Variants in C1orf21 observed in about 807,000 individuals in gnomAD.
C1orf21 encodes the protein uncharacterized protein C1orf21.
In C1orf21, 3 loss-of-function variants were observed where a neutral mutation model predicts 18.7. That is an observed-to-expected ratio of 0.16 (90% CI 0.07 to 0.42). C1orf21 has a LOEUF of 0.42. Ranked by LOEUF, C1orf21 falls within the 10% of genes least tolerant of loss-of-function variation. The pLI is 0.99. For missense variants in C1orf21, 104 were observed against 143.6 expected, an observed-to-expected ratio of 0.72 and a Z score of 1.41; for synonymous variants, 41 against 46.4, an observed-to-expected ratio of 0.88 and a Z score of 0.47.
intron 1 of C1orf21, among the ~76,000 whole-genome samples, chr1:184,390,551 C>T (rs914141186): frequency 1.2e-4 from 19 of 152,046 alleles, no homozygotes; most frequent in African/African-American, 4.3e-4. Context: ...GATATTGGGT[C>T]GATCAGTCTT....
intron 1 of C1orf21, among the ~76,000 whole-genome samples, chr1:184,429,727 G>A (rs908415959): frequency 1.3e-5 from 2 of 151,984 alleles, no homozygotes; most frequent in South Asian, 2.1e-4. Context: ...AATACAAAGA[G>A]TATTTTACTT....
rs534547974 is a variant in C1orf21, at chr1:184,514,744, G to A, written c.189+7062G>A. On this transcript the variant is annotated intron_variant, in intron 3 of 5. Coordinates refer to ENST00000235307, the MANE Select transcript of C1orf21 (RefSeq NM_030806.4). ...TTAGAAAATAACCTCCCTGCTTGTC[G>A]ATACGAGAATAATACAGCTATATTA... 7.1e-4 allele frequency among the ~76,000 whole-genome samples: 108 copies of A among 152,218 alleles called. 1 individual carries two copies. The highest frequency in any genetic ancestry group is 2.6e-3 in the African/African-American group (106 of 41,520).
At chr1:184,524,027 C>T (rs1658343819) in intron 3 of C1orf21, among the ~76,000 whole-genome samples, 1 of 152,128 alleles carries the variant, frequency 6.6e-6, no homozygotes, top group Non-Finnish European at 1.5e-5. Context: ...TTTACCACTA[C>T]AGGTAATTTT....
At chr1:184,512,547 C>G (rs1249903796) in intron 3 of C1orf21, among the ~76,000 whole-genome samples, 1 of 152,220 alleles carries the variant, frequency 6.6e-6, no homozygotes, top group Admixed American at 6.5e-5. Flanking sequence ...GTTTTCATCA[C>G]TGCTTAATGT....
At chr1:184,394,590 C>CT (rs1259102082) in intron 1 of C1orf21, among the ~76,000 whole-genome samples, 1 of 152,134 alleles carries the variant, frequency 6.6e-6, no homozygotes, top group Non-Finnish European at 1.5e-5. Flanking sequence ...GCACTATGTC[C>CT]TTTTACATGA....
chr1:184,533,479 A>G (rs1164488696), intron 3 of C1orf21, among the ~76,000 whole-genome samples: 1 of 152,216 alleles, frequency 6.6e-6, no homozygotes, highest in Non-Finnish European at 1.5e-5. Flanking sequence ...TAAAGAAGGC[A>G]TGGTCTTTTA....
chr1:184,501,695 C>T (rs1657978644), intron 2 of C1orf21, among the ~76,000 whole-genome samples: 1 of 152,142 alleles, frequency 6.6e-6, no homozygotes, highest in Non-Finnish European at 1.5e-5. Context: ...AGAAGAAACA[C>T]AGAAAGGATA....
At chr1:184,390,894 A>G (rs941776013) in intron 1 of C1orf21, among the ~76,000 whole-genome samples, 3 of 152,224 alleles carry the variant, frequency 2.0e-5, no homozygotes, top group East Asian at 3.8e-4. Flanking sequence ...ATAGACCAGT[A>G]TAAAGTACTG....
chr1:184,418,914 G>A (rs1326296771), intron 1 of C1orf21, among the ~76,000 whole-genome samples: 1 of 152,206 alleles, frequency 6.6e-6, no homozygotes, highest in Non-Finnish European at 1.5e-5. Context: ...TTGTAAGAAT[G>A]ACCATATGTT....
intron 3 of C1orf21, chr1:184,567,391 T>A (rs1659049298): frequency 4.0e-6 from 2 of 506,092 alleles, no homozygotes; most frequent in East Asian, 1.1e-4. Flanking sequence ...TTGGGGAACC[T>A]CATATCTTTA....
At chr1:184,550,147 T>C (rs1273643406) in intron 3 of C1orf21, among the ~76,000 whole-genome samples, 2 of 152,208 alleles carry the variant, frequency 1.3e-5, no homozygotes, top group Non-Finnish European at 2.9e-5. Context: ...ATATTTTTCC[T>C]TAAAGTCCCA....
chr1:184,566,903 C>T (rs1659042566), intron 3 of C1orf21: 1 of 507,354 alleles, frequency 2.0e-6, no homozygotes, highest in African/African-American at 2.0e-5. Flanking sequence ...GCTGTATTGT[C>T]TTCTCCATCC....
At chr1:184,583,689 A>G (rs1659313770) in intron 3 of C1orf21, among the ~76,000 whole-genome samples, 1 of 152,202 alleles carries the variant, frequency 6.6e-6, no homozygotes, top group South Asian at 2.1e-4. Context: ...CCTGGGCTTC[A>G]CTTCCACAGA....
chr1:184,494,203 T>A (rs1290159703), intron 2 of C1orf21, among the ~76,000 whole-genome samples: 5 of 152,296 alleles, frequency 3.3e-5, no homozygotes. Flanking sequence ...GAACAGAATG[T>A]TTCAGGCAGA....
intron 4 of C1orf21, among the ~76,000 whole-genome samples, chr1:184,596,893 G>GA (rs1553258566): frequency 6.7e-6 from 1 of 150,024 alleles, no homozygotes; most frequent in Non-Finnish European, 1.5e-5. Context: ...AAAAAAGAAA[G>GA]AAAGAAAAGA....
rs1263660677 is a variant in C1orf21, at chr1:184,502,877, A to G, written c.95-4711A>G. On this transcript the variant is annotated intron_variant, in intron 2 of 5. Coordinates refer to ENST00000235307, the MANE Select transcript of C1orf21 (RefSeq NM_030806.4). Reference sequence around the variant, plus strand: ...AGGATTGCTTGGGTCCAGGAGTTTAAGACCAGCCTGGCCAACATGGTGAAA... The same window carrying G: ...AGGATTGCTTGGGTCCAGGAGTTTAGGACCAGCCTGGCCAACATGGTGAAA... 2.6e-5 allele frequency among the ~76,000 whole-genome samples: 4 copies of G among 152,154 alleles called. No homozygotes were observed. In the East Asian group the frequency reaches 7.7e-4, roughly 29 times the overall value.
chr1:184,416,796 G>A (rs1001832350), intron 1 of C1orf21, among the ~76,000 whole-genome samples: 6 of 152,200 alleles, frequency 3.9e-5, no homozygotes, highest in African/African-American at 1.4e-4. Flanking sequence ...AGGCAGCTCA[G>A]AAGGAAGTGT....
Position 184,627,794 on chromosome 1 carries a change from G to T in C1orf21, c.*8238G>T, listed in dbSNP as rs907301078. The T allele has an allele frequency of 6.6e-6, 1 of 152,192 alleles. No homozygotes were observed. The highest frequency in any genetic ancestry group is 2.4e-5 in the African/African-American group (1 of 41,434). The allele number at this position is 152,192 out of a possible 1,614,324, so 9.4% of individuals were successfully genotyped here. ...CATTTAAAAACTAGAGCCCCTGGCA[G>T]GTCCCCTTAGGGCCATGTGTTCATG... On this transcript the variant is annotated 3_prime_UTR_variant, in exon 6 of 6. Transcript: ENST00000235307.
chr1:184,392,793 T>C (rs1043371338), intron 1 of C1orf21, among the ~76,000 whole-genome samples: 5 of 147,850 alleles, frequency 3.4e-5, no homozygotes, highest in East Asian at 2.0e-4. Context: ...TTCTGGCCCA[T>C]AGATTTTTAT....
Sources: gnomAD v4.1 joint callset for allele counts (sites outside exome capture counted in the v4.1 genomes callset) on GRCh38, gnomAD v4.1.1 for gene constraint, MANE v1.5 for transcripts, NCBI Gene and HGNC (gene_info 2026-07-23, HGNC 2026-07-21) for gene names.